Variants in KAZN observed in about 807,000 individuals in gnomAD.
KAZN encodes kazrin, periplakin interacting protein.
A neutral mutation model predicts 87.4 loss-of-function variants in KAZN; 40 were observed. The observed-to-expected ratio is 0.46, with a 90% CI of 0.36 to 0.60. The LOEUF (loss-of-function observed/expected upper bound fraction) is 0.60. Ranked by LOEUF, KAZN falls within the 20% of genes least tolerant of loss-of-function variation. The probability of loss-of-function intolerance (pLI) is 0.00; values close to 1 mark genes in which losing one functional copy is unlikely to be tolerated. For missense variants in KAZN, 898 were observed against 1,073.9 expected (o/e 0.84, Z 2.29); for synonymous variants, 466 against 458.3 (o/e 1.02, Z -0.22).
At chr1:14,033,746 G>A (rs1208022616) in intron 1 of KAZN, among the ~76,000 whole-genome samples, 1 of 152,172 alleles carries the variant, frequency 6.6e-6, no homozygotes, top group Non-Finnish European at 1.5e-5. Context: ...AATTACTGCA[G>A]CCACTACAAA....
intron 1 of KAZN, among the ~76,000 whole-genome samples, chr1:14,110,170 C>T (rs1471629960): frequency 1.3e-5 from 2 of 152,120 alleles, no homozygotes; most frequent in Admixed American, 1.3e-4. Context: ...GGTTTTTGTC[C>T]ACATCCTTGG....
chr1:13,960,768 T>A (rs890850327), intron 1 of KAZN, among the ~76,000 whole-genome samples: 1 of 152,170 alleles, frequency 6.6e-6, no homozygotes, highest in Non-Finnish European at 1.5e-5. Flanking sequence ...GGCTGGGGGC[T>A]ACTGGGAGTC....
At position 15,066,319 on chromosome 1, in the gene KAZN, G is replaced by C; in HGVS notation, c.1222+566G>C. On this transcript the variant is annotated intron_variant, in intron 8 of 14. Transcript: ENST00000376030. This position sits in a 1 kb window ranked among gnomAD's most constrained non-coding sequence, Gnocchi z 4.3. ...GCCCGTCTGGCAGAGGATGTGGTCTGTTTTTGATGTCCCCCCTCCCGCCCC... is the reference window on the plus strand; with the variant it reads ...GCCCGTCTGGCAGAGGATGTGGTCTCTTTTTGATGTCCCCCCTCCCGCCCC... 1.0e-6 allele frequency: 1 copy of C among 985,998 alleles called. No homozygotes were observed. The allele number at this position is 985,998 out of a possible 1,614,324, so 61.1% of individuals were successfully genotyped here. A position where few individuals can be genotyped will look rare whatever the true frequency, so the allele number is the denominator to read the frequency against.
At chr1:13,952,521 G>A (rs1186326014) in intron 1 of KAZN, among the ~76,000 whole-genome samples, 3 of 152,026 alleles carry the variant, frequency 2.0e-5, no homozygotes, top group Non-Finnish European at 2.9e-5. Flanking sequence ...CCCCTTACAT[G>A]GAGGTGAATT....
Position 14,996,653 on chromosome 1 carries a change from CTG to C in KAZN, c.418+35781_418+35782del, listed in dbSNP as rs1336835712. On this transcript the variant is annotated intron_variant, in intron 2 of 14. Coordinates refer to ENST00000376030, the MANE Select transcript of KAZN (RefSeq NM_201628.3). The surrounding 1 kb of genome is among the most constrained non-coding windows in gnomAD (Gnocchi z 5.9). ...GATCTGACAAGATCAGGATCTGGGT[CTG>C]TGAGAGGCCCTGTGTCCCCTACATT... Among the ~76,000 whole-genome samples, 1 of 152,228 alleles carries C rather than the reference CTG, an allele frequency of 6.6e-6. No individual in the cohort carries two copies. The highest frequency in any genetic ancestry group is 2.4e-5 in the African/African-American group (1 of 41,460).
At chr1:14,811,778 A>T (rs1646417963) in intron 1 of KAZN, among the ~76,000 whole-genome samples, 1 of 152,230 alleles carries the variant, frequency 6.6e-6, no homozygotes, top group Non-Finnish European at 1.5e-5. Context: ...AGTGCATGTT[A>T]TAAATGATGG....
chr1:14,176,754 C>A (rs1646084261), intron 1 of KAZN, among the ~76,000 whole-genome samples: 1 of 152,150 alleles, frequency 6.6e-6, no homozygotes, highest in Non-Finnish European at 1.5e-5. Context: ...CAAAACCCAT[C>A]TTCTATTTAT....
intron 1 of KAZN, among the ~76,000 whole-genome samples, chr1:14,700,274 C>T (rs1441781317): frequency 2.6e-5 from 4 of 152,072 alleles, no homozygotes; most frequent in Non-Finnish European, 5.9e-5. Flanking sequence ...GAGTTTGAGA[C>T]CAGCCTGGTC....
In KAZN at chr1:14,527,766, T is replaced by C. The variant is rs538986304; in HGVS notation, c.250-71217T>C. Among the ~76,000 whole-genome samples, 183 of 152,174 alleles carry C rather than the reference T, an allele frequency of 1.2e-3. 1 individual carries two copies. The highest frequency in any genetic ancestry group is 2.0e-3 in the Non-Finnish European group (138 of 68,014). On this transcript the variant is annotated intron_variant, in intron 2 of 16. Coordinates refer to the KAZN transcript ENST00000636203. ...CCAGGCTCTTTTTAACAGCCAGCTC[T>C]AGTGGGAACTAATAGAGTGAGAACT...
At chr1:14,935,589 G>T (rs1434251997) in intron 1 of KAZN, among the ~76,000 whole-genome samples, 1 of 152,212 alleles carries the variant, frequency 6.6e-6, no homozygotes, top group Non-Finnish European at 1.5e-5. Flanking sequence ...CCTGCAAGGC[G>T]ATGCTGATGT....
chr1:14,901,994 G>T (rs1655979263), intron 1 of KAZN, among the ~76,000 whole-genome samples: 1 of 152,142 alleles, frequency 6.6e-6, no homozygotes. Context: ...ACTGGTAAAG[G>T]CAACTTATGC....
chr1:14,219,911 C>G (rs1339365), intron 2 of KAZN, among the ~76,000 whole-genome samples: 33,907 of 152,090 alleles, frequency 0.22, 4,219 homozygotes, highest in Middle Eastern at 0.34. Context: ...TGACTGAAAC[C>G]CACTGTCTGA....
At chr1:14,829,882 G>C (rs917370248) in intron 1 of KAZN, among the ~76,000 whole-genome samples, 1 of 152,238 alleles carries the variant, frequency 6.6e-6, no homozygotes, top group African/African-American at 2.4e-5. Context: ...CCCCAGCCCT[G>C]TTCAGGGGCA....
At chr1:14,158,558 T>C (rs183000407) in intron 1 of KAZN, among the ~76,000 whole-genome samples, 1 of 152,362 alleles carries the variant, frequency 6.6e-6, no homozygotes, top group African/African-American at 2.4e-5. Context: ...CAAAGCTATT[T>C]TGAATTCTCT....
At chr1:14,419,085 A>G (rs1052805381) in intron 2 of KAZN, among the ~76,000 whole-genome samples, 2 of 152,214 alleles carry the variant, frequency 1.3e-5, no homozygotes, top group Non-Finnish European at 2.9e-5. Context: ...CGTATTGAGC[A>G]TTTTCAATAG....
At chr1:14,713,152 C>CTG (rs751452650) in intron 1 of KAZN, among the ~76,000 whole-genome samples, 6 of 152,182 alleles carry the variant, frequency 3.9e-5, no homozygotes, top group Non-Finnish European at 5.9e-5. Context: ...AGGCTCTGCT[C>CTG]TGTGTGTCTC....
chr1:14,577,209 G>A (rs754969171), intron 2 of KAZN, among the ~76,000 whole-genome samples: 2 of 152,102 alleles, frequency 1.3e-5, no homozygotes, highest in African/African-American at 2.4e-5. Context: ...ATCTGACAAT[G>A]GCATACATCA....
In KAZN at chr1:14,116,776, G is replaced by A. The variant is rs184618163; in HGVS notation, c.92-63659G>A. On this transcript the variant is annotated intron_variant, in intron 1 of 16. Coordinates refer to the KAZN transcript ENST00000636203. ...CACTCAATGCCAGCCTGTGAAAGCA[G>A]CCAGGAGGGAGGCTGTACCCTGCAA... is the stretch of plus-strand genomic sequence containing the variant. Among the ~76,000 whole-genome samples, 1,089 of 152,328 alleles carry A rather than the reference G, an allele frequency of 7.1e-3. 15 individuals are homozygous for A. Among genetic ancestry groups the A allele is most frequent in the South Asian group, 0.025 (119 of 4,824 alleles).
In KAZN at chr1:14,328,702, C is replaced by CAA. The variant is rs539049159; in HGVS notation, c.249+148118_249+148119dup. Reference sequence around the variant, plus strand: ...TGGGCAACAGAGCAAGACTCTGTCTCAAAAAAAAAGAAACTCTAAGAATAC... The same window carrying CAA: ...TGGGCAACAGAGCAAGACTCTGTCTCAAAAAAAAAAAGAAACTCTAAGAATAC... On this transcript the variant is annotated intron_variant, in intron 2 of 16. Transcript: ENST00000636203. Among the ~76,000 whole-genome samples the CAA allele has an allele frequency of 2.6e-3, 258 of 100,024 alleles. 1 individual carries two copies. The highest frequency in any genetic ancestry group is 9.1e-3 in the Middle Eastern group (1 of 110). 65.6% of individuals were successfully genotyped at this position (100,024 alleles called of 152,430 possible).
Sources: gnomAD v4.1 joint callset for allele counts (sites outside exome capture counted in the v4.1 genomes callset) on GRCh38, gnomAD v4.1.1 for gene constraint, Gnocchi (gnomAD v3.1) non-coding constraint, MANE v1.5 for transcripts, NCBI Gene and HGNC (gene_info 2026-07-23, HGNC 2026-07-21) for gene names.